UNC5D: variants seen among roughly 807,000 people sequenced by gnomAD.
The protein encoded by UNC5D is unc-5 netrin receptor D, also known as netrin receptor UNC5D.
A neutral mutation model predicts 105.4 loss-of-function variants in UNC5D; 39 were observed. The ratio of observed to expected loss-of-function variants is 0.37; its 90% CI spans 0.29 to 0.48. UNC5D has a LOEUF of 0.48. Among genes scored for constraint, UNC5D ranks in the 20% least tolerant of loss-of-function variants. UNC5D has a pLI of 0.98. For synonymous variants in UNC5D, 452 were observed against 450.4 expected (o/e 1.00, Z -0.04); for missense variants, 991 against 1,202.4 (o/e 0.82, Z 2.60).
At chr8:35,310,623 T>TAAATAA (rs529965330) in intron 1 of UNC5D, among the ~76,000 whole-genome samples, 3 of 151,816 alleles carry the variant, frequency 2.0e-5, no homozygotes, top group South Asian at 4.2e-4. Context: ...CTCAAAAAAA[T>TAAATAA]AAATAAAAAT....
At chr8:35,373,922 C>T (rs1802555537) in intron 1 of UNC5D, among the ~76,000 whole-genome samples, 3 of 152,112 alleles carry the variant, frequency 2.0e-5, no homozygotes, top group Admixed American at 2.0e-4. Context: ...CTCAGGCATG[C>T]TTTATTTTCC....
chr8:35,335,053 CTTCTT>C (rs1362280912), intron 1 of UNC5D, among the ~76,000 whole-genome samples: 1 of 152,026 alleles, frequency 6.6e-6, no homozygotes, highest in Non-Finnish European at 1.5e-5. Flanking sequence ...TATATGTGCT[CTTCTT>C]TTTGTCAAAA....
chr8:35,513,702 A>C (rs775661514), intron 1 of UNC5D, among the ~76,000 whole-genome samples: 1 of 152,168 alleles, frequency 6.6e-6, no homozygotes, highest in Non-Finnish European at 1.5e-5. Flanking sequence ...TTGAGGGGCA[A>C]GGATTTTGTC....
chr8:35,686,586 A>C lies in UNC5D; in HGVS notation c.961A>C (p.Ser321Arg). 6.2e-7 allele frequency: 1 copy of C among 1,600,782 alleles called. No individual in the cohort carries two copies. The highest frequency in any genetic ancestry group is 8.5e-7 in the Non-Finnish European group (1 of 1,176,198). The change falls in exon 7 of 17, where the codon AGT (serine) becomes CGT (arginine). Residue 321 changes from serine to arginine, a missense_variant. Around this residue, in one of 3 missense-constraint regions of UNC5D, gnomAD observed 944 missense variants for 1,131.6 expected, o/e 0.83. Coordinates refer to ENST00000404895, the MANE Select transcript of UNC5D (RefSeq NM_080872.4). ...AGTGTGGAGCGAATGGTCCGTCTGC[A>C]GTCCAGAGTGTGAACATTTGCGGAT... is the stretch of plus-strand genomic sequence containing the variant. Reference protein sequence around the residue: ...WEVWSEWSVCSPECEHLRIRE... With the variant: ...WEVWSEWSVCRPECEHLRIRE...
At chr8:35,622,092 CCAGCA>C in intron 4 of UNC5D, among the ~76,000 whole-genome samples, 1 of 152,124 alleles carries the variant, frequency 6.6e-6, no homozygotes, top group South Asian at 2.1e-4. Flanking sequence ...ACCTGTAATC[CCAGCA>C]CTTTGGGAGG....
intron 14 of UNC5D, among the ~76,000 whole-genome samples, chr8:35,760,402 CAT>C (rs1017780664): frequency 4.4e-4 from 67 of 151,756 alleles, no homozygotes; most frequent in African/African-American, 1.5e-3. Flanking sequence ...TTATTGTCCA[CAT>C]GTCTCCTATT....
chr8:35,754,916 GT>G (rs1490400880), intron 13 of UNC5D, among the ~76,000 whole-genome samples: 1 of 152,120 alleles, frequency 6.6e-6, no homozygotes, highest in Non-Finnish European at 1.5e-5. Context: ...AATCTGCTAT[GT>G]TTTTCAAAAA....
chr8:35,737,963 G>T (rs1472284660), intron 11 of UNC5D, among the ~76,000 whole-genome samples: 1 of 152,044 alleles, frequency 6.6e-6, no homozygotes, highest in African/African-American at 2.4e-5. Context: ...AAAATTAGCC[G>T]GGTGTGGTGG....
In UNC5D at chr8:35,458,850, C is replaced by T. The variant is rs148328637; in HGVS notation, c.104-90442C>T. ...TGAAAGGCTGGTAAACAATTTTCTT[C>T]GAAGACGTCTTGAAATTGGCAATAA... On this transcript the variant is annotated intron_variant, in intron 1 of 16. Coordinates refer to ENST00000404895, the MANE Select transcript of UNC5D (RefSeq NM_080872.4). 1.4e-4 allele frequency among the ~76,000 whole-genome samples: 22 copies of T among 152,244 alleles called. No individual in the cohort carries two copies. In the East Asian group the frequency reaches 2.1e-3, roughly 15 times the overall value.
At chr8:35,305,738 TTC>T (rs987925506) in intron 1 of UNC5D, among the ~76,000 whole-genome samples, 4 of 150,268 alleles carry the variant, frequency 2.7e-5, no homozygotes, top group Admixed American at 1.3e-4. Context: ...TTCTCTTTCT[TTC>T]TCTCTTTTTC....
At chr8:35,252,347 T>A (rs1466157144) in intron 1 of UNC5D, among the ~76,000 whole-genome samples, 2 of 152,202 alleles carry the variant, frequency 1.3e-5, no homozygotes, top group African/African-American at 4.8e-5. Flanking sequence ...CTTTCACTCC[T>A]CTACATATTT....
intron 1 of UNC5D, among the ~76,000 whole-genome samples, chr8:35,435,380 A>T (rs1004344815): frequency 6.6e-6 from 1 of 152,076 alleles, no homozygotes; most frequent in Non-Finnish European, 1.5e-5. Flanking sequence ...CATTTCTTCA[A>T]TGCATTTCTG....
At chr8:35,507,453 T>A (rs1812405595) in intron 1 of UNC5D, among the ~76,000 whole-genome samples, 1 of 152,138 alleles carries the variant, frequency 6.6e-6, no homozygotes, top group Non-Finnish European at 1.5e-5. Flanking sequence ...ACCCTGTAAG[T>A]AAGAATCACT....
intron 4 of UNC5D, among the ~76,000 whole-genome samples, chr8:35,610,522 A>C (rs554622289): frequency 1.6e-4 from 24 of 152,300 alleles, no homozygotes; most frequent in African/African-American, 5.8e-4. Context: ...GCCGAGGGGG[A>C]CAAGGAGCCT....
At chr8:35,452,421 T>A (rs1471562173) in intron 1 of UNC5D, among the ~76,000 whole-genome samples, 2 of 152,074 alleles carry the variant, frequency 1.3e-5, no homozygotes, top group Non-Finnish European at 2.9e-5. Context: ...CATGCCACCA[T>A]GCCCAGCTAT....
intron 4 of UNC5D, among the ~76,000 whole-genome samples, chr8:35,661,605 G>C (rs1824108276): frequency 6.6e-6 from 1 of 152,154 alleles, no homozygotes; most frequent in Non-Finnish European, 1.5e-5. Flanking sequence ...CCTTATGTCA[G>C]ATTCTAGAAC....
rs866584654 is a variant in UNC5D at position 35,408,105 on chromosome 8, G to A, written c.104-141187G>A. Among the ~76,000 whole-genome samples, 28 of 151,960 alleles carry A rather than the reference G, an allele frequency of 1.8e-4. 1 individual carries two copies. The highest frequency in any genetic ancestry group is 6.3e-4 in the African/African-American group (26 of 41,394). On this transcript the variant is annotated intron_variant, in intron 1 of 16. Coordinates refer to ENST00000404895, the MANE Select transcript of UNC5D (RefSeq NM_080872.4). ...GCTCTCTGTCAGAGGAATGTTTGTG[G>A]TCATTCATATCAATTTCAGATAGGC...
chr8:35,522,136 T>C (rs1283191072), intron 1 of UNC5D, among the ~76,000 whole-genome samples: 19 of 152,156 alleles, frequency 1.2e-4, no homozygotes, highest in Admixed American at 1.2e-3. Flanking sequence ...TCATAAAATA[T>C]CTGGTGATTC....
chr8:35,429,896 G>A (rs1045467767), intron 1 of UNC5D, among the ~76,000 whole-genome samples: 1 of 152,034 alleles, frequency 6.6e-6, no homozygotes, highest in African/African-American at 2.4e-5. Flanking sequence ...GACTGTTTTT[G>A]CATTTGACAA....
Sources: gnomAD v4.1 joint callset for allele counts (sites outside exome capture counted in the v4.1 genomes callset) on GRCh38, gnomAD v4.1.1 for gene constraint, gnomAD v4.1.1 regional missense constraint, MANE v1.5 for transcripts, NCBI Gene and HGNC (gene_info 2026-07-23, HGNC 2026-07-21) for gene names.